The following PCDHA1 variants were observed in gnomAD, a reference collection of about 807,000 sequenced individuals.
The protein encoded by PCDHA1 is protocadherin alpha-1.
A neutral mutation model predicts 61.3 loss-of-function variants in PCDHA1; 42 were observed. The observed-to-expected ratio is 0.69, with a 90% confidence interval of 0.54 to 0.89. The LOEUF (loss-of-function observed/expected upper bound fraction) is 0.89. Ranked by LOEUF, PCDHA1 falls within the 40% of genes least tolerant of loss-of-function variation. The probability of loss-of-function intolerance (pLI) is 0.00; values close to 1 mark genes in which losing one functional copy is unlikely to be tolerated. For synonymous variants in PCDHA1, 610 were observed against 553.8 expected (o/e 1.10, Z -1.43); for missense variants, 1,256 against 1,235.3 (o/e 1.02, Z -0.25).
At position 140,802,751 on chromosome 5, in the gene PCDHA1, C is replaced by T. The variant is rs957021626; in HGVS notation, c.2394+14067C>T. On this transcript the variant is annotated intron_variant, in intron 1 of 3. Coordinates refer to ENST00000504120, the MANE Select transcript of PCDHA1 (RefSeq NM_018900.4). ...TACACGCGGAGAGCGGCAAGGTGTA[C>T]GCGCTGCAGCCGCTGGACCACGAGG... 2.5e-6 allele frequency: 4 copies of T among 1,612,422 alleles called. No individual in the cohort carries two copies. The African/African-American group carries it at 5.3e-5, about 22-fold the overall frequency.
chr5:140,968,323 C>G, intron 1 of PCDHA1: 1 of 1,614,114 alleles, frequency 6.2e-7, no homozygotes, highest in Non-Finnish European at 8.5e-7. Flanking sequence ...TGCCAGTCAC[C>G]TCCTATGTCT....
intron 1 of PCDHA1, chr5:140,928,163 C>A: frequency 6.2e-7 from 1 of 1,614,204 alleles, no homozygotes; most frequent in Non-Finnish European, 8.5e-7. Flanking sequence ...GGCTCACCCC[C>A]ACTTAGCACC....
intron 1 of PCDHA1, chr5:140,823,128 T>G: frequency 3.7e-6 from 6 of 1,613,702 alleles, no homozygotes; most frequent in South Asian, 1.1e-5. Flanking sequence ...ACGACAACGC[T>G]CCGGCGTTCG....
rs577931904 is a variant in PCDHA1 at position 140,968,275 on chromosome 5, G to A, written c.2395-10674G>A. On this transcript the variant is annotated intron_variant, in intron 1 of 3. Coordinates refer to ENST00000504120, the MANE Select transcript of PCDHA1 (RefSeq NM_018900.4). ...ACCCAGATGAAAAGGAGAATGCAGA[G>A]GTGACCTACTCCCTTCTGGAGAGGG... is the stretch of plus-strand genomic sequence containing the variant. The A allele has an allele frequency of 5.0e-6, 8 of 1,614,040 alleles. No individual in the cohort carries two copies. The African/African-American group carries it at 8.0e-5, about 16-fold the overall frequency.
Position 140,788,126 on chromosome 5 carries a change from G to A in PCDHA1, c.1836G>A (p.Gln612=), listed in dbSNP as rs782603652. Residue 612 remains glutamine (Q), a synonymous_variant, in exon 1 of 4, where the codon CAG becomes CAA. Transcript: ENST00000504120. ...GYNAWLSYEL[Q]PAAGGARIPF... ...ACGCGTGGCTGTCCTATGAACTGCA[G>A]CCGGCAGCAGGCGGCGCGCGCATCC... The A allele has an allele frequency of 3.1e-6, 5 of 1,613,968 alleles. No individual in the cohort carries two copies. In the East Asian group the frequency reaches 6.7e-5, roughly 22 times the overall value.
chr5:140,867,042 G>A (rs782113838), intron 1 of PCDHA1: 4 of 152,084 alleles, frequency 2.6e-5, no homozygotes, highest in Non-Finnish European at 4.4e-5. Flanking sequence ...ATGACTTGGC[G>A]TTTGTTCAGT....
intron 3 of PCDHA1, among the ~76,000 whole-genome samples, chr5:140,988,630 G>A (rs184253041): frequency 3.1e-4 from 47 of 152,192 alleles, no homozygotes; most frequent in African/African-American, 1.1e-3. Context: ...AGATGTCCTG[G>A]TTTTCTGAAA....
rs1554214039 is a variant in PCDHA1 at position 140,941,214 on chromosome 5, C to CTTTCTTTCTTTCTTTCTTTCTTTCTTT, written c.2395-37735_2395-37734insTTTCTTTCTTTCTTTCTTTCTTTCTTT. ...TTTTTTCTTTCTTCCTTTCTTTCTTCCTTTCTTTCTTTCTTTCTTTCTTTC... is the reference window on the plus strand; with the variant it reads ...TTTTTTCTTTCTTCCTTTCTTTCTTCTTTCTTTCTTTCTTTCTTTCTTTCTTTCTTTCTTTCTTTCTTTCTTTCTTTC... On this transcript the variant is annotated intron_variant, in intron 1 of 3. Coordinates refer to ENST00000504120, the MANE Select transcript of PCDHA1 (RefSeq NM_018900.4). Among the ~76,000 whole-genome samples the CTTTCTTTCTTTCTTTCTTTCTTTCTTT allele has an allele frequency of 4.7e-4, 57 of 122,484 alleles. 1 individual carries two copies. The highest frequency in any genetic ancestry group is 1.6e-3 in the East Asian group (7 of 4,322). The allele number at this position is 122,484 out of a possible 152,430, so 80.4% of individuals were successfully genotyped here.
chr5:140,851,265 CTTGTA>C, intron 1 of PCDHA1: 1 of 1,075,054 alleles, frequency 9.3e-7, no homozygotes, highest in Non-Finnish European at 1.2e-6. Flanking sequence ...TTTTAGTCTA[CTTGTA>C]TTGTTTATAA....
At chr5:140,841,614 G>T in intron 1 of PCDHA1, 2 of 1,614,122 alleles carry the variant, frequency 1.2e-6, no homozygotes, top group South Asian at 1.1e-5. Context: ...CTGTGCGGGC[G>T]GAGCGCGGAG....
intron 1 of PCDHA1, among the ~76,000 whole-genome samples, chr5:140,922,508 C>A (rs2080871857): frequency 6.6e-6 from 1 of 152,090 alleles, no homozygotes; most frequent in African/African-American, 2.4e-5. Flanking sequence ...GCAGATGCAC[C>A]ATTATTTCAA....
chr5:140,876,190 C>A (rs782463342), intron 1 of PCDHA1: 1 of 1,613,936 alleles, frequency 6.2e-7, no homozygotes, highest in Non-Finnish European at 8.5e-7. Context: ...TGACAATGGT[C>A]CGGCGTTTGA....
At position 140,915,045 on chromosome 5, in the gene PCDHA1, A is replaced by G. The variant is rs989835419; in HGVS notation, c.2395-63904A>G. 2.0e-5 allele frequency among the ~76,000 whole-genome samples: 3 copies of G among 151,216 alleles called. No homozygotes were observed. In the East Asian group the frequency reaches 5.8e-4, roughly 29 times the overall value. On this transcript the variant is annotated intron_variant, in intron 1 of 3. Transcript: ENST00000504120. ...ACTGCAACTTCTGCCTCCTGGGTTC[A>G]AGCGATTCTCCTGCCTTAGCCTACT...
In PCDHA1 at chr5:140,849,837, G is replaced by A. The variant is rs2150452785; in HGVS notation, c.2394+61153G>A. The A allele has an allele frequency of 9.4e-6, 15 of 1,598,674 alleles. 2 individuals are homozygous for A. The Admixed American group carries it at 2.0e-4, about 22-fold the overall frequency. On this transcript the variant is annotated intron_variant, in intron 1 of 3. Coordinates refer to ENST00000504120, the MANE Select transcript of PCDHA1 (RefSeq NM_018900.4). ...CAGGGTGTCTGTGGAGGTGGCCGAC[G>A]TGAACGACAACGCACCAGCGTTCGC...
At chr5:140,842,920 C>A (rs2150347865) in intron 1 of PCDHA1, 1 of 1,594,422 alleles carries the variant, frequency 6.3e-7, no homozygotes, top group Admixed American at 1.7e-5. Flanking sequence ...TGCTGCAGTT[C>A]CAGGTGAGCG....
At position 140,849,783 on chromosome 5, in the gene PCDHA1, G is replaced by C. The variant is rs2150449806; in HGVS notation, c.2394+61099G>C. ...CGAGCTGGTGGTTACCGCGCGGGAC[G>C]GGGGCTCGCCTTCACTGTGGGCCAC... On this transcript the variant is annotated intron_variant, in intron 1 of 3. Transcript: ENST00000504120. 832,668 of 1,597,604 alleles carry C rather than the reference G, an allele frequency of 0.52. 253,297 individuals carry two copies. The highest frequency in any genetic ancestry group is 0.62 in the South Asian group (55,951 of 90,512).
intron 1 of PCDHA1, among the ~76,000 whole-genome samples, chr5:140,846,616 C>T (rs2150392938): frequency 5.4e-5 from 8 of 149,000 alleles, no homozygotes; most frequent in East Asian, 3.9e-4. Flanking sequence ...CCTCCTGATC[C>T]GCCCACTTCG....
chr5:140,821,334 T>C (rs1440362133), intron 1 of PCDHA1, among the ~76,000 whole-genome samples: 1 of 152,214 alleles, frequency 6.6e-6, no homozygotes, highest in African/African-American at 2.4e-5. Flanking sequence ...CTAGTAAGGA[T>C]TGGGGTTTCA....
rs2098414886 is a variant in PCDHA1, at chr5:141,009,848, A to T, written c.2764A>T (p.Thr922Ser). 7 of 1,614,012 alleles carry T rather than the reference A, an allele frequency of 4.3e-6. No homozygotes were observed. Among genetic ancestry groups the T allele is most frequent in the Non-Finnish European group, 5.1e-6 (6 of 1,180,014 alleles). ...DFITFGKKEE[T>S]KKKKKKKKGN... ...CATAACCTTCGGCAAAAAGGAGGAGACCAAGAAAAAGAAGAAAAAGAAGAA... is the reference window on the plus strand; with the variant it reads ...CATAACCTTCGGCAAAAAGGAGGAGTCCAAGAAAAAGAAGAAAAAGAAGAA... The change falls in exon 4 of 4, where the codon ACC becomes TCC. Residue 922 changes from threonine (T) to serine (S), a missense_variant. Thr to Ser is a moderately conservative substitution (Grantham distance 58). Transcript: ENST00000504120.
Sources: gnomAD v4.1 joint callset for allele counts (sites outside exome capture counted in the v4.1 genomes callset) on GRCh38, gnomAD v4.1.1 for gene constraint, MANE v1.5 for transcripts, NCBI Gene and HGNC (gene_info 2026-07-23, HGNC 2026-07-21) for gene names.